Variants in MCM3 observed in about 807,000 individuals in gnomAD.
The protein encoded by MCM3 is DNA replication licensing factor MCM3.
Under a neutral mutation model 91.3 loss-of-function variants are expected in MCM3, and 59 were observed. The ratio of observed to expected loss-of-function variants is 0.65; its 90% CI spans 0.52 to 0.80. The LOEUF (loss-of-function observed/expected upper bound fraction) is 0.80. MCM3 is among the 30% of genes least tolerant of loss of function. The probability of loss-of-function intolerance (pLI) is 0.00; values close to 1 mark genes in which losing one functional copy is unlikely to be tolerated. For synonymous variants in MCM3, 383 were observed against 379.6 expected (o/e 1.01, Z -0.10); for missense variants, 919 against 1,035.4 (o/e 0.89, Z 1.54).
intron 1 of MCM3, 74 bp downstream of exon 1, chr6:52,284,523 C>T (rs1174991033): frequency 7.1e-6 from 10 of 1,400,204 alleles, no homozygotes; most frequent in Non-Finnish European, 9.7e-6. Flanking sequence ...GTCTGGCGGG[C>T]CTCTGGCTTC....
At position 52,272,314 on chromosome 6, in the gene MCM3, G is replaced by A. The variant is rs370573901; in HGVS notation, c.1814C>T (p.Ser605Leu). The A allele has an allele frequency of 5.6e-6, 9 of 1,614,140 alleles. No homozygotes were observed. Among genetic ancestry groups the A allele is most frequent in the Non-Finnish European group, 7.6e-6 (9 of 1,180,014 alleles). The part of the protein sequence containing the change: ...SRLRSQDSMS[S>L]DTARTSPVTA... ...CCAGGCACTCACCCTGGCGGTGTCTGAGCTCATGCTATCCTGGCTGCGCAG... is the reference window on the plus strand; with the variant it reads ...CCAGGCACTCACCCTGGCGGTGTCTAAGCTCATGCTATCCTGGCTGCGCAG... Residue 605 changes from serine (S) to leucine (L), a missense_variant, in exon 12 of 17, where the codon TCA becomes TTA. By Grantham distance (145) the Ser-to-Leu change is moderately radical. Around this residue, in one of 3 missense-constraint regions of MCM3, gnomAD observed 285 missense variants for 311.4 expected, o/e 0.92. Transcript: ENST00000596288.
intron 12 of MCM3, among the ~76,000 whole-genome samples, 188 bp from the exon 13 acceptor site, chr6:52,269,414 T>C (rs1160155277): frequency 6.6e-6 from 1 of 152,160 alleles, no homozygotes; most frequent in Non-Finnish European, 1.5e-5. Flanking sequence ...CAAGGAAATA[T>C]ACACAAGAGT....
At chr6:52,267,472 C>A (rs541744307) in intron 14 of MCM3, among the ~76,000 whole-genome samples, 1 of 151,574 alleles carries the variant, frequency 6.6e-6, no homozygotes, top group Non-Finnish European at 1.5e-5. Flanking sequence ...CAATAAGCAG[C>A]GCTGGTTCCA....
Position 52,266,044 on chromosome 6 carries a change from T to C in MCM3, c.2228+31A>G, listed in dbSNP as rs1581702295. ...CCTTCCTCAGCGATACACAGAATTC[T>C]TGAAGGGGCAGGAGCAACATCCGTA... On this transcript the variant is annotated intron_variant, in intron 16 of 16. Transcript: ENST00000596288. 7 of 1,601,940 alleles carry C rather than the reference T, an allele frequency of 4.4e-6. No homozygotes were observed. The East Asian group carries it at 1.6e-4, about 36-fold the overall frequency.
In MCM3 at chr6:52,264,560, A is replaced by C; in HGVS notation, c.*28T>G. 1 of 1,613,108 alleles carries C rather than the reference A, an allele frequency of 6.2e-7. No individual in the cohort carries two copies. The highest frequency in any genetic ancestry group is 8.5e-7 in the Non-Finnish European group (1 of 1,179,172). On this transcript the variant is annotated 3_prime_UTR_variant, in exon 17 of 17. Transcript: ENST00000596288. ...GAAACACAGAACAAACTCTCTCGGC[A>C]CAACCCAAGTTCAGAGACGAGGCCT... is the stretch of plus-strand genomic sequence containing the variant.
chr6:52,271,884 C>G (rs563009782), intron 12 of MCM3, among the ~76,000 whole-genome samples: 58 of 152,282 alleles, frequency 3.8e-4, no homozygotes, highest in African/African-American at 1.4e-3. Context: ...CACGTTCATT[C>G]CTTTGTAAGT....
At position 52,264,576 on chromosome 6, in the gene MCM3, G is replaced by C. The variant is rs373619065; in HGVS notation, c.*12C>G. On this transcript the variant is annotated 3_prime_UTR_variant, in exon 17 of 17. Coordinates refer to ENST00000596288, the MANE Select transcript of MCM3 (RefSeq NM_002388.6). ...TCTCTCGGCACAACCCAAGTTCAGAGACGAGGCCTCCTCAGATGAGGAAGA... is the reference window on the plus strand; with the variant it reads ...TCTCTCGGCACAACCCAAGTTCAGACACGAGGCCTCCTCAGATGAGGAAGA... 2.6e-5 allele frequency: 42 copies of C among 1,614,032 alleles called. No homozygotes were observed. The African/African-American group carries it at 2.9e-4, about 11-fold the overall frequency.
intron 2 of MCM3, 31 bp from the exon 3 acceptor site, chr6:52,282,892 A>T (rs1207481638): frequency 1.3e-6 from 2 of 1,537,592 alleles, no homozygotes; most frequent in African/African-American, 2.8e-5. Flanking sequence ...GAAAAATTAG[A>T]CTGGGCAGAA....
Position 52,264,271 on chromosome 6 carries a change from T to G in MCM3, c.*317A>C. The G allele has an allele frequency of 3.4e-6, 1 of 291,906 alleles. No homozygotes were observed. The highest frequency in any genetic ancestry group is 6.6e-6 in the Non-Finnish European group (1 of 151,308). The allele number at this position is 291,906 out of a possible 1,614,324, so 18.1% of individuals were successfully genotyped here. ...AAAACAGTTGTGCCCCCAAAAGTAC[T>G]CAGAAGTCATATGTTATTTACAATT... On this transcript the variant is annotated 3_prime_UTR_variant, in exon 17 of 17. Coordinates refer to ENST00000596288, the MANE Select transcript of MCM3 (RefSeq NM_002388.6).
intron 8 of MCM3, 138 bp from the exon 9 acceptor site, chr6:52,276,614 T>TA (rs776407228): frequency 2.4e-5 from 17 of 709,164 alleles, no homozygotes; most frequent in Middle Eastern, 3.8e-4. Flanking sequence ...CCGAGAAACT[T>TA]AGAGGAAACC....
chr6:52,278,759 T>A lies in MCM3; in HGVS notation c.862A>T (p.Ser288Cys). Reference protein sequence around the residue: ...AEDIAKIKKFSKTRSKDIFDQ... With the variant: ...AEDIAKIKKFCKTRSKDIFDQ... ...GCCCAGACCTTGGATCGGGTTTTAC[T>A]GAACTTCTTGATCTTGGCTATATCC... The change falls in exon 6 of 17, where the codon AGT becomes TGT. Residue 288 changes from serine to cysteine, a missense_variant. This residue lies in a region of MCM3 where 401 missense variants were observed against 402.7 expected (regional missense o/e 1.00). Transcript: ENST00000596288. 6.2e-7 allele frequency: 1 copy of A among 1,613,292 alleles called. No homozygotes were observed. Among genetic ancestry groups the A allele is most frequent in the African/African-American group, 1.3e-5 (1 of 75,044 alleles).
At chr6:52,283,212 TCTCCTGAGA>T in intron 2 of MCM3, 73 bp downstream of exon 2, 1 of 1,113,378 alleles carries the variant, frequency 9.0e-7, no homozygotes, top group Non-Finnish European at 1.4e-6. Context: ...ATACAAGTCC[TCTCCTGAGA>T]GGCTGTTCCA....
chr6:52,277,850 C>T (rs1482475987), intron 6 of MCM3, among the ~76,000 whole-genome samples, 162 bp from the exon 7 acceptor site: 2 of 151,766 alleles, frequency 1.3e-5, no homozygotes, highest in African/African-American at 4.8e-5. Context: ...AGGCAGATCA[C>T]GAGGTCAGGA....
At chr6:52,276,172 T>A in intron 9 of MCM3, 96 bp downstream of exon 9, 1 of 1,146,938 alleles carries the variant, frequency 8.7e-7, no homozygotes. Flanking sequence ...TTTGGCCTAT[T>A]ATTCCCCTGG....
At chr6:52,282,318 ACT>A (rs1766177320) in intron 3 of MCM3, 143 bp from the exon 4 acceptor site, 2 of 750,748 alleles carry the variant, frequency 2.7e-6, no homozygotes, top group Admixed American at 2.8e-5. Context: ...CCTTTTATTC[ACT>A]TTTTTATTTA....
At chr6:52,283,138 GAAA>G (rs59102970) in intron 2 of MCM3, among the ~76,000 whole-genome samples, 153 bp downstream of exon 2, 3,339 of 136,278 alleles carry the variant, frequency 0.025, 117 homozygotes, top group African/African-American at 0.083. Flanking sequence ...CCCACTTTTT[GAAA>G]AAAAAAAAAA....
intron 12 of MCM3, among the ~76,000 whole-genome samples, 199 bp from the exon 13 acceptor site, chr6:52,269,425 G>C (rs1764914057): frequency 6.6e-6 from 1 of 152,214 alleles, no homozygotes; most frequent in Non-Finnish European, 1.5e-5. Context: ...ACACAAGAGT[G>C]TTGCAGGAAG....
chr6:52,266,932 A>T (rs965700916), intron 14 of MCM3, among the ~76,000 whole-genome samples: 1 of 152,044 alleles, frequency 6.6e-6, no homozygotes, highest in Non-Finnish European at 1.5e-5. Flanking sequence ...CACCCTTATA[A>T]ATTCAACTAT....
intron 11 of MCM3, 43 bp downstream of exon 11, chr6:52,273,180 TATAACAC>T (rs762155338): frequency 6.2e-6 from 10 of 1,611,394 alleles, no homozygotes; most frequent in Non-Finnish European, 7.6e-6. Flanking sequence ...CATGCTCTAA[TATAACAC>T]ATATTTCAGG....
Sources: allele counts gnomAD v4.1 joint callset (sites outside exome capture counted in the v4.1 genomes callset), GRCh38; gene constraint gnomAD v4.1.1; regional missense constraint gnomAD v4.1.1; transcripts MANE v1.5; gene names NCBI Gene and HGNC (gene_info 2026-07-23, HGNC 2026-07-21).